Variants in FER1L6 observed in about 807,000 individuals in gnomAD.
FER1L6 encodes fer-1-like protein 6.
Under a neutral mutation model 219.2 loss-of-function variants are expected in FER1L6, and 177 were observed. That is an observed-to-expected ratio of 0.81 (90% CI 0.71 to 0.91). The LOEUF (loss-of-function observed/expected upper bound fraction) is 0.91, where lower values mean the gene tolerates loss of function less well. Ranked by LOEUF, FER1L6 falls within the 40% of genes least tolerant of loss-of-function variation. The pLI is 0.00. For synonymous variants in FER1L6, 768 were observed against 824.3 expected, an observed-to-expected ratio of 0.93 and a Z score of 1.17; for missense variants, 2,153 against 2,259.9, an observed-to-expected ratio of 0.95 and a Z score of 0.96.
At chr8:124,034,740 G>A (rs1819125733) in intron 18 of FER1L6, among the ~76,000 whole-genome samples, 1 of 152,146 alleles carries the variant, frequency 6.6e-6, no homozygotes, top group South Asian at 2.1e-4. Flanking sequence ...AGAAGTACTA[G>A]GATTCTTCTA....
intron 5 of FER1L6, 22 bp downstream of exon 5, chr8:123,966,312 C>G: frequency 6.2e-7 from 1 of 1,613,330 alleles, no homozygotes; most frequent in Non-Finnish European, 8.5e-7. Context: ...AGGTCACCCA[C>G]AGCTTTTGCA....
At chr8:124,103,854 A>T (rs1822649717) in intron 39 of FER1L6, among the ~76,000 whole-genome samples, 1 of 152,196 alleles carries the variant, frequency 6.6e-6, no homozygotes, top group Admixed American at 6.5e-5. Flanking sequence ...AGCAGGGATG[A>T]CTTAGCGAGG....
At chr8:123,990,228 A>G (rs1441489897) in intron 12 of FER1L6, among the ~76,000 whole-genome samples, 2 of 152,208 alleles carry the variant, frequency 1.3e-5, no homozygotes, top group Non-Finnish European at 2.9e-5. Flanking sequence ...AGATAGCACC[A>G]CTGCACTCCA....
chr8:123,977,385 C>T lies in FER1L6; in HGVS notation c.871-32C>T, dbSNP rs1308826703. 4 of 1,595,146 alleles carry T rather than the reference C, an allele frequency of 2.5e-6. No homozygotes were observed. The South Asian group carries it at 4.5e-5, about 18-fold the overall frequency. Reference sequence around the variant, plus strand: ...TTTTCTGTAGTCAGTCAGTCCCTTCCATGACTCATGTCCTCCTGGCTGTGT... The same window carrying T: ...TTTTCTGTAGTCAGTCAGTCCCTTCTATGACTCATGTCCTCCTGGCTGTGT... On this transcript the variant is annotated intron_variant, in intron 9 of 40. Transcript: ENST00000522917.
intron 38 of FER1L6, among the ~76,000 whole-genome samples, chr8:124,102,412 T>C (rs1822584011): frequency 6.6e-6 from 1 of 152,184 alleles, no homozygotes; most frequent in Non-Finnish European, 1.5e-5. Context: ...TTTATATGTA[T>C]AGGAGAAAGG....
intron 22 of FER1L6, among the ~76,000 whole-genome samples, chr8:124,054,665 C>T (rs1820200190): frequency 6.6e-6 from 1 of 152,128 alleles, no homozygotes; most frequent in Non-Finnish European, 1.5e-5. Flanking sequence ...GGGCAAAGAG[C>T]CTTTAGATGC....
chr8:124,007,562 G>A (rs186185409), intron 13 of FER1L6, among the ~76,000 whole-genome samples: 12 of 152,240 alleles, frequency 7.9e-5, no homozygotes, highest in Admixed American at 5.2e-4. Context: ...TAAATTAACT[G>A]CTGCTTTTCT....
intron 18 of FER1L6, among the ~76,000 whole-genome samples, chr8:124,032,648 G>A (rs556973779): frequency 6.6e-6 from 1 of 151,786 alleles, no homozygotes; most frequent in East Asian, 1.9e-4. Flanking sequence ...GGCTGAGGTG[G>A]GAGGATGGCT....
intron 1 of FER1L6, among the ~76,000 whole-genome samples, chr8:123,880,709 G>A (rs2129660709): frequency 6.6e-6 from 1 of 152,284 alleles, no homozygotes; most frequent in Admixed American, 6.5e-5. Context: ...TGCCTTCTTG[G>A]GTACCCAGGG....
chr8:124,024,557 T>C (rs1191219425), intron 18 of FER1L6, among the ~76,000 whole-genome samples: 1 of 152,174 alleles, frequency 6.6e-6, no homozygotes, highest in Non-Finnish European at 1.5e-5. Context: ...TATGACTGAG[T>C]CATATTTCAT....
chr8:123,862,374 G>T (rs1380442124), intron 1 of FER1L6, among the ~76,000 whole-genome samples: 1 of 130,760 alleles, frequency 7.6e-6, no homozygotes, highest in Non-Finnish European at 1.6e-5. Context: ...TGCTGGATTC[G>T]GTTTGCCAGT....
intron 18 of FER1L6, among the ~76,000 whole-genome samples, chr8:124,027,554 T>C (rs1818763228): frequency 6.6e-6 from 1 of 152,180 alleles, no homozygotes; most frequent in Admixed American, 6.5e-5. Context: ...TTTTCTGTCA[T>C]GTATGTAAAA....
At chr8:124,108,101 T>C (rs1187253476) in intron 39 of FER1L6, among the ~76,000 whole-genome samples, 1 of 152,208 alleles carries the variant, frequency 6.6e-6, no homozygotes, top group Non-Finnish European at 1.5e-5. Flanking sequence ...GGCATGCACC[T>C]GTAGTCTCAG....
At chr8:124,097,960 C>A in intron 37 of FER1L6, 77 bp downstream of exon 37, 1 of 787,538 alleles carries the variant, frequency 1.3e-6, no homozygotes, top group Non-Finnish European at 2.2e-6. Flanking sequence ...ATCTATGCCT[C>A]ATGGAGGATA....
Position 123,966,079 on chromosome 8 carries a change from C to T in FER1L6, c.252+18C>T. The T allele has an allele frequency of 6.2e-7, 1 of 1,613,530 alleles. No individual in the cohort carries two copies. The highest frequency in any genetic ancestry group is 8.5e-7 in the Non-Finnish European group (1 of 1,179,696). ...ATTATCAAGTAAGTGATTGGCTCTTCCTGCCCAGCCTCCCCCAGTGCTTCC... is the reference window on the plus strand; with the variant it reads ...ATTATCAAGTAAGTGATTGGCTCTTTCTGCCCAGCCTCCCCCAGTGCTTCC... On this transcript the variant is annotated intron_variant, in intron 4 of 40. Transcript: ENST00000522917.
At chr8:123,895,999 G>T (rs1418727943) in intron 1 of FER1L6, among the ~76,000 whole-genome samples, 11 of 152,178 alleles carry the variant, frequency 7.2e-5, no homozygotes, top group Admixed American at 7.2e-4. Flanking sequence ...CATAGCCCAG[G>T]CTGTCTGTGA....
rs548959423 is a variant in FER1L6, at chr8:124,111,302, T to C, written c.5290-7542T>C. 6.6e-6 allele frequency among the ~76,000 whole-genome samples: 1 copy of C among 152,342 alleles called. No individual in the cohort carries two copies. Among genetic ancestry groups the C allele is most frequent in the Admixed American group, 6.5e-5 (1 of 15,300 alleles). On this transcript the variant is annotated intron_variant, in intron 39 of 40. Coordinates refer to ENST00000522917, the MANE Select transcript of FER1L6 (RefSeq NM_001039112.2). This position sits in a 1 kb window ranked among gnomAD's most constrained non-coding sequence, Gnocchi z 5.0. Reference sequence around the variant, plus strand: ...AAAGGGAAAATAAGAATTGACTTCATCTTCATGCATACCAGTGGCCCATGG... The same window carrying C: ...AAAGGGAAAATAAGAATTGACTTCACCTTCATGCATACCAGTGGCCCATGG...
intron 39 of FER1L6, among the ~76,000 whole-genome samples, chr8:124,114,662 A>G (rs554812148): frequency 6.6e-6 from 1 of 152,140 alleles, no homozygotes; most frequent in African/African-American, 2.4e-5. Flanking sequence ...TGAGTTTTGA[A>G]TTATTTCCTT....
At chr8:123,863,797 T>C (rs1180510936) in intron 1 of FER1L6, among the ~76,000 whole-genome samples, 1 of 149,850 alleles carries the variant, frequency 6.7e-6, no homozygotes. Context: ...AGACTAGGAT[T>C]GCAACCCCTG....
Sources: allele counts gnomAD v4.1 joint callset (sites outside exome capture counted in the v4.1 genomes callset), GRCh38; gene constraint gnomAD v4.1.1; non-coding constraint Gnocchi (gnomAD v3.1); transcripts MANE v1.5; gene names NCBI Gene and HGNC (gene_info 2026-07-23, HGNC 2026-07-21).